The following MDGA2 variants were observed in gnomAD, a reference collection of about 807,000 sequenced individuals.
MDGA2 encodes MAM domain containing glycosylphosphatidylinositol anchor 2, also known as MAM domain-containing glycosylphosphatidylinositol anchor protein 2.
MDGA2 carries 40 observed loss-of-function variants against 117.8 expected under a neutral mutation model. That is an observed-to-expected ratio of 0.34 (90% CI 0.26 to 0.44). MDGA2 has a LOEUF of 0.44. Among genes scored for constraint, MDGA2 ranks in the 20% least tolerant of loss-of-function variants. MDGA2 has a pLI of 1.00. For missense variants in MDGA2, 1,123 were observed against 1,250.6 expected, an observed-to-expected ratio of 0.90 and a Z score of 1.54; for synonymous variants, 452 against 439.0, an observed-to-expected ratio of 1.03 and a Z score of -0.37.
intron 1 of MDGA2, among the ~76,000 whole-genome samples, chr14:47,318,814 G>GAAGGAAGGAAGC (rs893365544): frequency 5.9e-5 from 9 of 151,390 alleles, no homozygotes; most frequent in African/African-American, 9.7e-5. Context: ...AGGAAAGAAG[G>GAAGGAAGGAAGC]AAGGAAGGAA....
At chr14:47,103,464 TATTG>T (rs1350631064) in intron 5 of MDGA2, among the ~76,000 whole-genome samples, 4 of 152,230 alleles carry the variant, frequency 2.6e-5, no homozygotes, top group African/African-American at 9.6e-5. Context: ...ATCCTTCACA[TATTG>T]ATTGACTCTC....
At chr14:47,475,886 G>A (rs1009611757) in intron 1 of MDGA2, among the ~76,000 whole-genome samples, 1 of 152,106 alleles carries the variant, frequency 6.6e-6, no homozygotes, top group African/African-American at 2.4e-5. Flanking sequence ...CCTAGGTGAT[G>A]GGTTGATCAT....
intron 1 of MDGA2, among the ~76,000 whole-genome samples, chr14:47,574,574 A>T (rs919355253): frequency 6.6e-6 from 1 of 152,154 alleles, no homozygotes; most frequent in Non-Finnish European, 1.5e-5. Context: ...GTCAATTGTA[A>T]TATCTGATTT....
In MDGA2 at chr14:46,845,843, C is replaced by G; in HGVS notation, c.2912G>C (p.Gly971Ala). 6.2e-7 allele frequency: 1 copy of G among 1,613,308 alleles called. No individual in the cohort carries two copies. The highest frequency in any genetic ancestry group is 8.5e-7 in the Non-Finnish European group (1 of 1,179,526). The change falls in exon 16 of 17, where the codon GGA becomes GCA. Residue 971 changes from glycine to alanine, a missense_variant. Physicochemically the swap from Gly to Ala is moderately conservative, Grantham distance 60 (BLOSUM62 0). Around this residue, in one of 2 missense-constraint regions of MDGA2, gnomAD observed 890 missense variants for 1,050.3 expected, o/e 0.85. Transcript: ENST00000399232. ...ATCAATAGCAATGTCACCTTCTATTCCAGGACCTCGGATACCTTCAAAAAT... is the reference window on the plus strand; with the variant it reads ...ATCAATAGCAATGTCACCTTCTATTGCAGGACCTCGGATACCTTCAAAAAT... ...QLIFEGIRGP[G>A]IEGDIAIDDV...
At chr14:47,117,593 A>G (rs1416116101) in intron 5 of MDGA2, among the ~76,000 whole-genome samples, 10 of 152,188 alleles carry the variant, frequency 6.6e-5, no homozygotes, top group Non-Finnish European at 1.5e-4. Context: ...AAAGTCTGCA[A>G]TATGTGACAA....
At chr14:46,854,362 A>G (rs1881180412) in intron 15 of MDGA2, among the ~76,000 whole-genome samples, 1 of 151,492 alleles carries the variant, frequency 6.6e-6, no homozygotes, top group Non-Finnish European at 1.5e-5. Context: ...TTATATATGT[A>G]TATATGTTTA....
At position 47,613,260 on chromosome 14, in the gene MDGA2, C is replaced by T. The variant is rs533866230; in HGVS notation, c.280+61257G>A. ...CAGCTCTGTGTGACCCCAAAAGCCC[C>T]GTTGTTCATTAGACTGCAAACTGCT... On this transcript the variant is annotated intron_variant, in intron 1 of 16. Coordinates refer to ENST00000399232, the MANE Select transcript of MDGA2 (RefSeq NM_001113498.3). 9.3e-4 allele frequency among the ~76,000 whole-genome samples: 141 copies of T among 152,260 alleles called. 1 individual carries two copies. The highest frequency in any genetic ancestry group is 6.8e-3 in the Middle Eastern group (2 of 294).
At chr14:47,190,471 A>C (rs1885067749) in intron 3 of MDGA2, among the ~76,000 whole-genome samples, 1 of 152,222 alleles carries the variant, frequency 6.6e-6, no homozygotes, top group South Asian at 2.1e-4. Context: ...GAAATATAAA[A>C]ACAGCAAATT....
chr14:47,019,654 TAACACGGTG>T (rs1191311231), intron 8 of MDGA2, among the ~76,000 whole-genome samples: 13 of 151,872 alleles, frequency 8.6e-5, no homozygotes, highest in Non-Finnish European at 1.9e-4. Flanking sequence ...TCATCCTGAT[TAACACGGTG>T]AAACCGCGTC....
intron 4 of MDGA2, among the ~76,000 whole-genome samples, chr14:47,143,382 CTTCT>C (rs1476148824): frequency 6.6e-6 from 1 of 151,846 alleles, no homozygotes; most frequent in Non-Finnish European, 1.5e-5. Context: ...TAGGTTTATG[CTTCT>C]TTCATCAAAA....
intron 1 of MDGA2, among the ~76,000 whole-genome samples, chr14:47,439,975 A>C (rs2138545044): frequency 6.6e-6 from 1 of 152,146 alleles, no homozygotes. Flanking sequence ...CTTTACAGAA[A>C]ATGTACCTTC....
At chr14:47,476,994 T>C (rs1893856301) in intron 1 of MDGA2, among the ~76,000 whole-genome samples, 1 of 152,100 alleles carries the variant, frequency 6.6e-6, no homozygotes, top group Non-Finnish European at 1.5e-5. Context: ...AAACCCCGTC[T>C]CTACTAAAAC....
At chr14:46,975,858 G>A (rs532605096) in intron 8 of MDGA2, among the ~76,000 whole-genome samples, 6 of 152,154 alleles carry the variant, frequency 3.9e-5, no homozygotes, top group Admixed American at 6.6e-5. Context: ...AAGGCTTCTT[G>A]CTATGTCCTC....
intron 1 of MDGA2, among the ~76,000 whole-genome samples, chr14:47,591,557 G>A (rs901506131): frequency 7.2e-5 from 11 of 152,040 alleles, no homozygotes; most frequent in Non-Finnish European, 1.2e-4. Context: ...ATAAAGTACT[G>A]GCAAACCGAA....
chr14:47,004,345 A>G (rs117083720), intron 8 of MDGA2, among the ~76,000 whole-genome samples: 2,266 of 151,964 alleles, frequency 0.015, 35 homozygotes, highest in Non-Finnish European at 0.024. Context: ...ATCCTTTCTC[A>G]GCTAAATTGC....
chr14:47,367,853 A>T (rs747501202), intron 1 of MDGA2, among the ~76,000 whole-genome samples: 18 of 152,204 alleles, frequency 1.2e-4, no homozygotes, highest in Non-Finnish European at 2.6e-4. Flanking sequence ...TACTAAAGCG[A>T]TGTTCTTTGT....
intron 1 of MDGA2, among the ~76,000 whole-genome samples, chr14:47,348,708 G>A (rs1340378364): frequency 6.6e-6 from 1 of 152,126 alleles, no homozygotes; most frequent in East Asian, 1.9e-4. Flanking sequence ...TGGAGACAGA[G>A]AGACAAAGGC....
At chr14:47,573,116 T>C (rs545077693) in intron 1 of MDGA2, among the ~76,000 whole-genome samples, 57 of 152,256 alleles carry the variant, frequency 3.7e-4, no homozygotes, top group African/African-American at 1.3e-3. Context: ...ATTTAATGCG[T>C]AATCCCATAA....
At chr14:47,277,777 A>G (rs10133677) in intron 2 of MDGA2, among the ~76,000 whole-genome samples, 22,668 of 152,166 alleles carry the variant, frequency 0.15, 1,974 homozygotes, top group South Asian at 0.27. Flanking sequence ...TAAATTGTTC[A>G]TGCATTTCTC....
Sources: gnomAD v4.1 joint callset for allele counts (sites outside exome capture counted in the v4.1 genomes callset) on GRCh38, gnomAD v4.1.1 for gene constraint, gnomAD v4.1.1 regional missense constraint, MANE v1.5 for transcripts, NCBI Gene and HGNC (gene_info 2026-07-23, HGNC 2026-07-21) for gene names.